Variants in SHC4 observed in about 807,000 individuals in gnomAD.
SHC4 encodes SHC adaptor protein 4.
In SHC4, 41 loss-of-function variants were observed where a neutral mutation model predicts 69.4. The observed-to-expected ratio is 0.59, with a 90% confidence interval of 0.46 to 0.77. The LOEUF (loss-of-function observed/expected upper bound fraction) is 0.77, where lower values mean the gene tolerates loss of function less well. Among genes scored for constraint, SHC4 ranks in the 30% least tolerant of loss-of-function variants. SHC4 has a pLI of 0.00. For synonymous variants in SHC4, 318 were observed against 299.3 expected (o/e 1.06, Z -0.64); for missense variants, 777 against 783.8 (o/e 0.99, Z 0.10).
In SHC4 at chr15:48,878,118, C is replaced by G. The variant is rs975144305; in HGVS notation, c.841-5976G>C. ...GCCTTTGCGCACGCGCACGAACGCA[C>G]GGCCGCGCAGCATCTGTCTTGCTGG... On this transcript the variant is annotated intron_variant, in intron 4 of 11. Transcript: ENST00000332408. 3.3e-6 allele frequency: 5 copies of G among 1,505,676 alleles called. No homozygotes were observed. In the East Asian group the frequency reaches 9.1e-5, roughly 28 times the overall value. The allele number at this position is 1,505,676 out of a possible 1,614,324, so 93.3% of individuals were successfully genotyped here. A position where few individuals can be genotyped will look rare whatever the true frequency, so the allele number is the denominator to read the frequency against.
At chr15:48,916,300 C>T (rs1169259261) in intron 2 of SHC4, among the ~76,000 whole-genome samples, 1 of 151,708 alleles carries the variant, frequency 6.6e-6, no homozygotes, top group Non-Finnish European at 1.5e-5. Flanking sequence ...CACACACACA[C>T]ACACACACAC....
In SHC4 at chr15:48,851,192, T is replaced by C. The variant is rs774788739; in HGVS notation, c.1299A>G (p.Ala433=). The change falls in exon 9 of 12, where the codon GCA becomes GCG. Residue 433 remains alanine, a synonymous_variant. Coordinates refer to ENST00000332408, the MANE Select transcript of SHC4 (RefSeq NM_203349.4). The part of the protein sequence containing the change: ...VYENCLEQSR[A]IGNVHPRGVQ... ...GGAGAAGGGCATTGTACCTACCTAT[T>C]GCCCTGCTTTGTTCTAAACAGTTCT... is the stretch of plus-strand genomic sequence containing the variant. The C allele has an allele frequency of 2.5e-6, 4 of 1,613,920 alleles. No homozygotes were observed. The highest frequency in any genetic ancestry group is 4.5e-5 in the East Asian group (2 of 44,884).
rs116389551 is a variant in SHC4 at position 48,961,689 on chromosome 15, G to C, written c.585+742C>G. ...TCTATTGCTAAGTATTATTATCTTA[G>C]TATTTCGCATGTATTCATTGATCTC... is the stretch of plus-strand genomic sequence containing the variant. On this transcript the variant is annotated intron_variant, in intron 1 of 11. Transcript: ENST00000332408. Among the ~76,000 whole-genome samples, 129 of 152,298 alleles carry C rather than the reference G, an allele frequency of 8.5e-4. 1 individual carries two copies. The highest frequency in any genetic ancestry group is 3.0e-3 in the African/African-American group (124 of 41,560).
chr15:48,912,797 T>A (rs1459199466), intron 2 of SHC4, among the ~76,000 whole-genome samples: 2 of 152,168 alleles, frequency 1.3e-5, no homozygotes, highest in Admixed American at 1.3e-4. Context: ...TTGATGTAGT[T>A]CTCTCCCCCT....
chr15:48,946,049 A>G lies in SHC4; in HGVS notation c.585+16382T>C, dbSNP rs138564909. On this transcript the variant is annotated intron_variant, in intron 1 of 11. Coordinates refer to ENST00000332408, the MANE Select transcript of SHC4 (RefSeq NM_203349.4). ...TTTTAGAAGACTGACATCTAAAGGGAGAAGCTTCAATTATCTGAAAAAGTC... is the reference window on the plus strand; with the variant it reads ...TTTTAGAAGACTGACATCTAAAGGGGGAAGCTTCAATTATCTGAAAAAGTC... 5 of 152,334 alleles carry G rather than the reference A, an allele frequency of 3.3e-5. No individual in the cohort carries two copies. In the East Asian group the frequency reaches 9.6e-4, roughly 29 times the overall value. The allele number at this position is 152,334 out of a possible 1,614,324, so 9.4% of individuals were successfully genotyped here. A position where few individuals can be genotyped will look rare whatever the true frequency, so the allele number is the denominator to read the frequency against.
chr15:48,936,480 C>A (rs1901072809), intron 1 of SHC4, among the ~76,000 whole-genome samples: 1 of 152,140 alleles, frequency 6.6e-6, no homozygotes, highest in Admixed American at 6.5e-5. Context: ...GACTCCACCC[C>A]AGCAGATGGA....
chr15:48,915,798 T>C (rs1044211409), intron 2 of SHC4, among the ~76,000 whole-genome samples: 13 of 152,186 alleles, frequency 8.5e-5, no homozygotes, highest in Non-Finnish European at 1.3e-4. Context: ...CTTAGTATAA[T>C]CACTATAAAT....
Position 48,962,492 on chromosome 15 carries a change from C to A in SHC4, c.524G>T (p.Ser175Ile), listed in dbSNP as rs199533304. The A allele has an allele frequency of 6.4e-7, 1 of 1,557,142 alleles. No homozygotes were observed. The highest frequency in any genetic ancestry group is 8.7e-7 in the Non-Finnish European group (1 of 1,152,998). The change falls in exon 1 of 12, where the codon AGC becomes ATC. Residue 175 changes from serine to isoleucine, a missense_variant. Transcript: ENST00000332408. ...LPGPGEPTLR[S>I]RQDRHFLQHL... The stretch of plus-strand genomic sequence containing the variant: ...CTGTAGAAAGTGCCTGTCCTGCCTG[C>A]TCCTAAGTGTTGGCTCCCCAGGGCC...
chr15:48,862,960 C>A (rs1192690452), intron 6 of SHC4, among the ~76,000 whole-genome samples: 2 of 151,836 alleles, frequency 1.3e-5, no homozygotes, highest in South Asian at 4.2e-4. Flanking sequence ...TTTTTCTGCA[C>A]CTGCAGGCCT....
At chr15:48,900,584 T>C (rs1900304758) in intron 2 of SHC4, among the ~76,000 whole-genome samples, 1 of 152,022 alleles carries the variant, frequency 6.6e-6, no homozygotes, top group African/African-American at 2.4e-5. Context: ...CATCTTTGCT[T>C]ACATCACCCT....
intron 11 of SHC4, among the ~76,000 whole-genome samples, chr15:48,832,571 C>T (rs1225082420): frequency 6.6e-6 from 1 of 152,084 alleles, no homozygotes; most frequent in Non-Finnish European, 1.5e-5. Context: ...TCATTCTCAT[C>T]ACTTACTTGG....
intron 2 of SHC4, among the ~76,000 whole-genome samples, chr15:48,918,008 C>T (rs2141020617): frequency 6.6e-6 from 1 of 152,336 alleles, no homozygotes; most frequent in African/African-American, 2.4e-5. Context: ...AGTGAGACAT[C>T]AGCCTCCAGT....
intron 10 of SHC4, 113 bp downstream of exon 10, chr15:48,843,296 C>T (rs1346642609): frequency 9.5e-7 from 1 of 1,049,162 alleles, no homozygotes; most frequent in Admixed American, 2.2e-5. Flanking sequence ...ACCCTGCTGA[C>T]ACTTTGATTT....
chr15:48,878,902 GA>G, intron 4 of SHC4: 1 of 540,156 alleles, frequency 1.9e-6, no homozygotes, highest in Non-Finnish European at 3.3e-6. Context: ...GCACAGTTGT[GA>G]AAAAGGAAGA....
intron 2 of SHC4, among the ~76,000 whole-genome samples, chr15:48,918,420 T>C (rs936209546): frequency 6.6e-6 from 1 of 152,232 alleles, no homozygotes; most frequent in Non-Finnish European, 1.5e-5. Context: ...ACCTCCCAAA[T>C]ACTGTTCTTC....
intron 1 of SHC4, among the ~76,000 whole-genome samples, chr15:48,939,925 TA>T (rs1215653257): frequency 6.6e-6 from 1 of 152,224 alleles, no homozygotes; most frequent in East Asian, 1.9e-4. Flanking sequence ...ATCTAAAGAC[TA>T]GGCCTGCCAT....
At chr15:48,954,011 AC>A (rs1175337245) in intron 1 of SHC4, among the ~76,000 whole-genome samples, 1 of 152,246 alleles carries the variant, frequency 6.6e-6, no homozygotes, top group Non-Finnish European at 1.5e-5. Flanking sequence ...TACAGGAATC[AC>A]TGAGCAGTTG....
rs1159479191 is a variant in SHC4 at position 48,963,101 on chromosome 15, A to G, written c.-86T>C. ...AACGGTGCAGACATCAGATACCTCA[A>G]CGCCCGATGCAACTCACAGCAGCCA... On this transcript the variant is annotated 5_prime_UTR_variant, in exon 1 of 12. Transcript: ENST00000332408. 4 of 1,364,896 alleles carry G rather than the reference A, an allele frequency of 2.9e-6. No individual in the cohort carries two copies. Among genetic ancestry groups the G allele is most frequent in the Non-Finnish European group, 4.0e-6 (4 of 1,003,332 alleles). The allele number at this position is 1,364,896 out of a possible 1,614,324, so 84.5% of individuals were successfully genotyped here.
At chr15:48,878,407 C>G in intron 4 of SHC4, 1 of 1,611,904 alleles carries the variant, frequency 6.2e-7, no homozygotes, top group South Asian at 1.1e-5. Flanking sequence ...GCCTTGCTAA[C>G]GGGCCCAACG....
Sources: allele counts gnomAD v4.1 joint callset (sites outside exome capture counted in the v4.1 genomes callset), GRCh38; gene constraint gnomAD v4.1.1; transcripts MANE v1.5; gene names NCBI Gene and HGNC (gene_info 2026-07-23, HGNC 2026-07-21).